Variants in USP13 observed in about 807,000 individuals in gnomAD.
USP13 encodes the protein ubiquitin carboxyl-terminal hydrolase 13.
A neutral mutation model predicts 107.8 loss-of-function variants in USP13; 68 were observed. The ratio of observed to expected loss-of-function variants is 0.63; its 90% CI spans 0.52 to 0.77. The LOEUF (loss-of-function observed/expected upper bound fraction) is 0.77, where lower values mean the gene tolerates loss of function less well. Ranked by LOEUF, USP13 falls within the 30% of genes least tolerant of loss-of-function variation. USP13 has a pLI of 0.00. For missense variants in USP13, 945 were observed against 1,093.3 expected (o/e 0.86, Z 1.91); for synonymous variants, 377 against 389.5 (o/e 0.97, Z 0.38).
intron 19 of USP13, among the ~76,000 whole-genome samples, chr3:179,774,545 T>A (rs1175616173): frequency 6.6e-6 from 1 of 151,930 alleles, no homozygotes; most frequent in Non-Finnish European, 1.5e-5. Flanking sequence ...TGTCCGGAGT[T>A]GCTCATTCCT....
At chr3:179,720,078 GGGTGGGGAGACGGCAA>G (rs1473308721) in intron 7 of USP13, 44 bp downstream of exon 7, 1 of 1,494,990 alleles carries the variant, frequency 6.7e-7, no homozygotes. Context: ...CATGGGGTAG[GGGTGGGGAGACGGCAA>G]GGGAACTGCT....
intron 2 of USP13, among the ~76,000 whole-genome samples, chr3:179,688,194 A>AATCCATCCATCCATCC (rs1214610213): frequency 7.9e-4 from 38 of 48,186 alleles, no homozygotes; most frequent in Non-Finnish European, 1.5e-3. Flanking sequence ...TCCATTCATC[A>AATCCATCCATCCATCC]ATCCATCCAT....
intron 4 of USP13, among the ~76,000 whole-genome samples, chr3:179,704,404 A>G (rs1712639940): frequency 1.3e-5 from 2 of 152,192 alleles, no homozygotes; most frequent in East Asian, 3.9e-4. Context: ...AATAGGTCAC[A>G]CTCAAAAGAT....
chr3:179,719,908 A>T (rs770837164), intron 6 of USP13, 32 bp from the exon 7 acceptor site: 1 of 1,565,364 alleles, frequency 6.4e-7, no homozygotes, highest in East Asian at 2.2e-5. Flanking sequence ...TTGATTACTG[A>T]TTGCAGTGCT....
Position 179,701,984 on chromosome 3 carries a change from T to C in USP13, c.477+855T>C, listed in dbSNP as rs116251974. Among the ~76,000 whole-genome samples, 912 of 152,294 alleles carry C rather than the reference T, an allele frequency of 6.0e-3. 9 individuals are homozygous for C. Among genetic ancestry groups the C allele is most frequent in the African/African-American group, 0.021 (867 of 41,548 alleles). On this transcript the variant is annotated intron_variant, in intron 4 of 20. Transcript: ENST00000263966. ...ATTGCCTGTACCACTTTGTCCTCTTTCCTTTTTTTTGTTTTGGTCTCCCAT... is the reference window on the plus strand; with the variant it reads ...ATTGCCTGTACCACTTTGTCCTCTTCCCTTTTTTTTGTTTTGGTCTCCCAT...
chr3:179,677,884 T>G (rs1442041983), intron 1 of USP13, among the ~76,000 whole-genome samples: 4 of 152,162 alleles, frequency 2.6e-5, no homozygotes, highest in Admixed American at 2.0e-4. Flanking sequence ...TTTCCCCAAT[T>G]ATAAAATGAT....
At chr3:179,690,109 G>T (rs1316223083) in intron 2 of USP13, 132 bp from the exon 3 acceptor site, 2 of 782,542 alleles carry the variant, frequency 2.6e-6, no homozygotes, top group African/African-American at 1.7e-5. Flanking sequence ...GTTTATCCTG[G>T]AATTGCTAAT....
chr3:179,673,979 G>A (rs947257116), intron 1 of USP13, among the ~76,000 whole-genome samples: 3 of 152,134 alleles, frequency 2.0e-5, no homozygotes, highest in African/African-American at 7.2e-5. Context: ...CGCAACCTCC[G>A]CCTTTCGGGT....
chr3:179,715,082 A>C (rs976838306), intron 6 of USP13, among the ~76,000 whole-genome samples: 3 of 150,898 alleles, frequency 2.0e-5, no homozygotes, highest in Non-Finnish European at 4.4e-5. Flanking sequence ...GAGTCTTACT[A>C]TGTTGCCCAG....
At chr3:179,783,287 TG>T (rs1215321577) in intron 20 of USP13, among the ~76,000 whole-genome samples, 1 of 152,182 alleles carries the variant, frequency 6.6e-6, no homozygotes, top group East Asian at 1.9e-4. Flanking sequence ...TACTTTTCTT[TG>T]TTTTATTGTC....
At chr3:179,681,849 G>A (rs1560046685) in intron 1 of USP13, 29 bp from the exon 2 acceptor site, 4 of 1,602,710 alleles carry the variant, frequency 2.5e-6, no homozygotes, top group African/African-American at 1.3e-5. Flanking sequence ...AGGTGTCGTC[G>A]GCTAATGTAC....
chr3:179,745,438 G>C (rs1175191705), intron 13 of USP13, among the ~76,000 whole-genome samples: 3 of 151,516 alleles, frequency 2.0e-5, no homozygotes, highest in Non-Finnish European at 4.4e-5. Flanking sequence ...GCTAAGGAGG[G>C]GTTTTCTTTT....
At chr3:179,661,925 C>T (rs866546537) in intron 1 of USP13, among the ~76,000 whole-genome samples, 2 of 152,188 alleles carry the variant, frequency 1.3e-5, no homozygotes, top group African/African-American at 4.8e-5. Context: ...TCTGAGTGTC[C>T]TTCTGGGACA....
intron 6 of USP13, among the ~76,000 whole-genome samples, chr3:179,717,936 A>G (rs1454141766): frequency 9.2e-6 from 1 of 108,162 alleles, no homozygotes; most frequent in Non-Finnish European, 1.9e-5. Flanking sequence ...ACAACTACAC[A>G]ATGTTTAACT....
chr3:179,725,752 G>T lies in USP13; in HGVS notation c.1088+4163G>T, dbSNP rs114160093. The stretch of plus-strand genomic sequence containing the variant: ...ATTGAGTGTCTTTTACATGTCAGAT[G>T]CTGTTCTTGTGCTGGAGATGCAGTG... On this transcript the variant is annotated intron_variant, in intron 8 of 20. Transcript: ENST00000263966. Among the ~76,000 whole-genome samples, 653 of 152,312 alleles carry T rather than the reference G, an allele frequency of 4.3e-3. 8 individuals are homozygous for T. The highest frequency in any genetic ancestry group is 0.015 in the African/African-American group (614 of 41,568).
chr3:179,744,301 A>G lies in USP13; in HGVS notation c.1535-742A>G, dbSNP rs370526273. Among the ~76,000 whole-genome samples the G allele has an allele frequency of 5.3e-5, 8 of 151,204 alleles. No homozygotes were observed. In the East Asian group the frequency reaches 9.7e-4, roughly 18 times the overall value. On this transcript the variant is annotated intron_variant, in intron 12 of 20. Transcript: ENST00000263966. ...GGTGGAACCAAATCAGAAAATGTGT[A>G]ACACTCGATCTGGCTCTTGCCAGGC...
chr3:179,764,032 A>G lies in USP13; in HGVS notation c.2123A>G (p.Tyr708Cys), dbSNP rs765000694. The G allele has an allele frequency of 3.1e-6, 5 of 1,611,768 alleles. No individual in the cohort carries two copies. The highest frequency in any genetic ancestry group is 4.2e-6 in the Non-Finnish European group (5 of 1,179,586). Reference protein sequence around the residue: ...DFAEPLTMPGYGGAASAGASV... With the variant: ...DFAEPLTMPGCGGAASAGASV... The stretch of plus-strand genomic sequence containing the variant: ...GCTGAGCCGCTGACCATGCCTGGTT[A>G]TGGAGGGGCAGCTTCTGCTGGAGCC... Residue 708 changes from tyrosine to cysteine, a missense_variant, in exon 18 of 21, where the codon TAT becomes TGT. Coordinates refer to ENST00000263966, the MANE Select transcript of USP13 (RefSeq NM_003940.3).
chr3:179,753,435 GA>G (rs1714680450), intron 14 of USP13, among the ~76,000 whole-genome samples: 1 of 152,200 alleles, frequency 6.6e-6, no homozygotes, highest in Non-Finnish European at 1.5e-5. Flanking sequence ...GCACCTGAGA[GA>G]AAAAACTTTC....
At chr3:179,778,956 G>A (rs1715646954) in intron 19 of USP13, among the ~76,000 whole-genome samples, 1 of 151,668 alleles carries the variant, frequency 6.6e-6, no homozygotes, top group Middle Eastern at 3.2e-3. Context: ...TCAATGAAGT[G>A]ATGAGTGAGT....
Sources: allele counts gnomAD v4.1 joint callset (sites outside exome capture counted in the v4.1 genomes callset), GRCh38; gene constraint gnomAD v4.1.1; transcripts MANE v1.5; gene names NCBI Gene and HGNC (gene_info 2026-07-23, HGNC 2026-07-21).